GAL3ST2: variants seen among roughly 807,000 people sequenced by gnomAD.
GAL3ST2 encodes the protein beta-galactose-3-O-sulfotransferase 2.
Under a neutral mutation model 12.9 loss-of-function variants are expected in GAL3ST2, and 16 were observed. The ratio of observed to expected loss-of-function variants is 1.24; its 90% CI spans 0.84 to 1.88. GAL3ST2 has a LOEUF of 1.88. GAL3ST2 is among the 40% of genes most tolerant of loss of function. The pLI is 0.00. For missense variants in GAL3ST2, 639 were observed against 571.8 expected (o/e 1.12, Z -1.20); for synonymous variants, 302 against 273.9 (o/e 1.10, Z -1.01).
At position 241,802,064 on chromosome 2, in the gene GAL3ST2, C is replaced by A; in HGVS notation, c.375+28C>A. On this transcript the variant is annotated intron_variant, in intron 3 of 3. Transcript: ENST00000192314. This position sits in a 1 kb window ranked among gnomAD's most constrained non-coding sequence, Gnocchi z 4.8. ...ACCGCGGGCCTGCTGGGGAGGAGGGCGGGCTGCAGCCGTGCCTGTGGCTGT... is the reference window on the plus strand; with the variant it reads ...ACCGCGGGCCTGCTGGGGAGGAGGGAGGGCTGCAGCCGTGCCTGTGGCTGT... The A allele has an allele frequency of 6.3e-7, 1 of 1,578,290 alleles. No homozygotes were observed. Among genetic ancestry groups the A allele is most frequent in the South Asian group, 1.1e-5 (1 of 87,082 alleles).
chr2:241,785,458 C>A (rs906315486), intron 1 of GAL3ST2, among the ~76,000 whole-genome samples: 2 of 150,338 alleles, frequency 1.3e-5, no homozygotes, highest in Non-Finnish European at 2.9e-5. Context: ...GAGGCAGAAG[C>A]AGGAGACTCG....
chr2:241,801,685 G>T lies in GAL3ST2; in HGVS notation c.120-96G>T. The T allele has an allele frequency of 6.7e-7, 1 of 1,484,850 alleles. No individual in the cohort carries two copies. Among genetic ancestry groups the T allele is most frequent in the South Asian group, 1.3e-5 (1 of 76,238 alleles). The allele number at this position is 1,484,850 out of a possible 1,614,324, so 92.0% of individuals were successfully genotyped here. ...TAGAGTTGGGGGGCTCAGGTTGGGA[G>T]GTCTCTCCTTGCGGTTGCCGGGCTG... On this transcript the variant is annotated intron_variant, in intron 2 of 3. Transcript: ENST00000192314. This position sits in a 1 kb window ranked among gnomAD's most constrained non-coding sequence, Gnocchi z 4.4.
intron 1 of GAL3ST2, among the ~76,000 whole-genome samples, chr2:241,796,917 T>C (rs1699778255): frequency 6.6e-6 from 1 of 152,256 alleles, no homozygotes; most frequent in Admixed American, 6.5e-5. Context: ...TGAGGTCCCA[T>C]GCAGGGTGAG....
intron 1 of GAL3ST2, among the ~76,000 whole-genome samples, chr2:241,782,385 G>A (rs1410450555): frequency 2.0e-5 from 3 of 151,980 alleles, no homozygotes; most frequent in African/African-American, 7.3e-5. Flanking sequence ...GAGTGCAGTG[G>A]TGCAATTTCA....
In GAL3ST2 at chr2:241,795,253, G is replaced by A. The variant is rs1376691443; in HGVS notation, c.30-3812G>A. Among the ~76,000 whole-genome samples, 2 of 152,214 alleles carry A rather than the reference G, an allele frequency of 1.3e-5. No homozygotes were observed. The highest frequency in any genetic ancestry group is 2.4e-5 in the African/African-American group (1 of 41,458). ...CCTGACCCCTGCAGGTGTGGGACCA[G>A]CAGGTCTTTTGGCAAAAGGGAAGAG... On this transcript the variant is annotated intron_variant, in intron 1 of 3. Coordinates refer to ENST00000192314, the MANE Select transcript of GAL3ST2 (RefSeq NM_022134.3). The surrounding 1 kb of genome is among the most constrained non-coding windows in gnomAD (Gnocchi z 4.5).
At chr2:241,796,491 G>GCT (rs1553616506) in intron 1 of GAL3ST2, among the ~76,000 whole-genome samples, 2 of 142,494 alleles carry the variant, frequency 1.4e-5, no homozygotes, top group African/African-American at 5.2e-5. Flanking sequence ...ACGTATCAGG[G>GCT]CTCTGCTCAG....
In GAL3ST2 at chr2:241,787,337, AT is replaced by A. The variant is rs1394258091; in HGVS notation, c.29+10358del. On this transcript the variant is annotated intron_variant, in intron 1 of 3. Transcript: ENST00000192314. ...CTAAATTAACTGAGACGTGTCTCAA[AT>A]TTTTAGGTTCACATTTTGGTAACCA... Among the ~76,000 whole-genome samples, 3 of 152,160 alleles carry A rather than the reference AT, an allele frequency of 2.0e-5. No homozygotes were observed. The East Asian group carries it at 5.8e-4, about 29-fold the overall frequency.
Position 241,801,455 on chromosome 2 carries a change from A to C in GAL3ST2, c.120-326A>C. On this transcript the variant is annotated intron_variant, in intron 2 of 3. Transcript: ENST00000192314. This position sits in a 1 kb window ranked among gnomAD's most constrained non-coding sequence, Gnocchi z 4.4. ...CCCATCCCATCACTGCTGGGAACTCAGTTTTAAGGTGGGTCTGGGGTCCCC... is the reference window on the plus strand; with the variant it reads ...CCCATCCCATCACTGCTGGGAACTCCGTTTTAAGGTGGGTCTGGGGTCCCC... 2.5e-6 allele frequency: 1 copy of C among 400,368 alleles called. No individual in the cohort carries two copies. 24.8% of individuals were successfully genotyped at this position (400,368 alleles called of 1,614,324 possible).
chr2:241,777,808 A>T (rs1356845459), intron 1 of GAL3ST2, among the ~76,000 whole-genome samples: 1 of 152,016 alleles, frequency 6.6e-6, no homozygotes, highest in Non-Finnish European at 1.5e-5. Flanking sequence ...TGTGAAGAAG[A>T]GGCCCAGGGG....
rs1478990319 is a variant in GAL3ST2 at position 241,793,728 on chromosome 2, ATG to A, written c.30-5331_30-5330del. ...GTACGTATTGTGTATGCATGTGTGT[ATG>A]TGTGTATATGTATGTGTGTGTGTAT... On this transcript the variant is annotated intron_variant, in intron 1 of 3. Coordinates refer to ENST00000192314, the MANE Select transcript of GAL3ST2 (RefSeq NM_022134.3). This position sits in a 1 kb window ranked among gnomAD's most constrained non-coding sequence, Gnocchi z 4.7. Among the ~76,000 whole-genome samples the A allele has an allele frequency of 6.7e-6, 1 of 150,254 alleles. No individual in the cohort carries two copies. The highest frequency in any genetic ancestry group is 1.5e-5 in the Non-Finnish European group (1 of 67,472).
Position 241,781,820 on chromosome 2 carries a change from C to T in GAL3ST2, c.29+4836C>T, listed in dbSNP as rs367718570. ...AAGGATTAATTAGGTCAGAAAAAGA[C>T]GTAATTTATAATTTGATTTTGGAAA... On this transcript the variant is annotated intron_variant, in intron 1 of 3. Coordinates refer to ENST00000192314, the MANE Select transcript of GAL3ST2 (RefSeq NM_022134.3). Among the ~76,000 whole-genome samples the T allele has an allele frequency of 1.8e-4, 28 of 152,238 alleles. 1 individual carries two copies. In the East Asian group the frequency reaches 1.9e-3, roughly 10 times the overall value.
chr2:241,797,569 G>A (rs1383088504), intron 1 of GAL3ST2, among the ~76,000 whole-genome samples: 3 of 150,906 alleles, frequency 2.0e-5, no homozygotes, highest in African/African-American at 7.5e-5. Flanking sequence ...CCTGGGCAGG[G>A]GCCAGTGGGG....
intron 1 of GAL3ST2, among the ~76,000 whole-genome samples, chr2:241,785,367 C>A (rs888379759): frequency 6.6e-6 from 1 of 152,068 alleles, no homozygotes; most frequent in Non-Finnish European, 1.5e-5. Flanking sequence ...GCCTGGCCAA[C>A]ATGATGAAAC....
In GAL3ST2 at chr2:241,804,010, C is replaced by A; in HGVS notation, c.1041C>A (p.Ala347=). 2 of 1,568,070 alleles carry A rather than the reference C, an allele frequency of 1.3e-6. No homozygotes were observed. Among genetic ancestry groups the A allele is most frequent in the Non-Finnish European group, 1.7e-6 (2 of 1,159,642 alleles). The change falls in exon 4 of 4, where the codon GCC becomes GCA. Residue 347 remains alanine, a synonymous_variant. Transcript: ENST00000192314. The part of the protein sequence containing the change: ...PRLRPYQSGK[A]DILGYNLRPG... ...TGCGCCCCTACCAGTCCGGCAAGGC[C>A]GACATCCTGGGTTACAACCTCCGGC...
At chr2:241,799,207 G>A (rs992439085) in intron 2 of GAL3ST2, 53 bp downstream of exon 2, 68 of 1,484,092 alleles carry the variant, frequency 4.6e-5, no homozygotes, top group Non-Finnish European at 6.1e-5. Flanking sequence ...TAACAGCCCC[G>A]AGGACAGAGC....
intron 1 of GAL3ST2, among the ~76,000 whole-genome samples, chr2:241,782,404 C>T (rs1309724040): frequency 6.6e-6 from 1 of 152,140 alleles, no homozygotes; most frequent in Non-Finnish European, 1.5e-5. Flanking sequence ...CAGCTCACTG[C>T]AACCTCCACC....
In GAL3ST2 at chr2:241,802,152, G is replaced by T. The variant is rs1471632495; in HGVS notation, c.375+116G>T. ...AGTGTAAGGCTTGGGGGCGGGGCGT[G>T]CAGAAGGCGGGTTGGGAGGGCCTGG... On this transcript the variant is annotated intron_variant, in intron 3 of 3. Transcript: ENST00000192314. The surrounding 1 kb of genome is among the most constrained non-coding windows in gnomAD (Gnocchi z 4.8). 1 of 1,300,272 alleles carries T rather than the reference G, an allele frequency of 7.7e-7. No homozygotes were observed. The highest frequency in any genetic ancestry group is 2.5e-5 in the East Asian group (1 of 39,296). 80.5% of individuals were successfully genotyped at this position (1,300,272 alleles called of 1,614,324 possible).
intron 1 of GAL3ST2, among the ~76,000 whole-genome samples, chr2:241,780,830 A>G (rs1002116083): frequency 6.6e-6 from 1 of 152,212 alleles, no homozygotes; most frequent in Non-Finnish European, 1.5e-5. Context: ...GGGCTCCTGG[A>G]CATGTCAGAA....
intron 1 of GAL3ST2, among the ~76,000 whole-genome samples, chr2:241,783,613 A>G (rs1699591236): frequency 1.3e-5 from 2 of 152,226 alleles, no homozygotes. Flanking sequence ...ATTTAATATA[A>G]CTTTAGATTC....
Sources: allele counts gnomAD v4.1 joint callset (sites outside exome capture counted in the v4.1 genomes callset), GRCh38; gene constraint gnomAD v4.1.1; non-coding constraint Gnocchi (gnomAD v3.1); transcripts MANE v1.5; gene names NCBI Gene and HGNC (gene_info 2026-07-23, HGNC 2026-07-21).